CETN1: variants seen among roughly 807,000 people sequenced by gnomAD.
CETN1 encodes centrin-1.
Under a neutral mutation model 8.1 loss-of-function variants are expected in CETN1, and 6 were observed. The observed-to-expected ratio is 0.74, with a 90% CI of 0.40 to 1.46. The LOEUF (loss-of-function observed/expected upper bound fraction) is 1.46, where lower values mean the gene tolerates loss of function less well. CETN1 is among the 40% of genes most tolerant of loss of function. The pLI is 0.02. For missense variants in CETN1, 215 were observed against 226.2 expected (o/e 0.95, Z 0.32); for synonymous variants, 99 against 90.3 (o/e 1.10, Z -0.55).
In CETN1 at chr18:581,288, A is replaced by G. The variant is rs972642834; in HGVS notation, c.*361A>G. ...GTCACTTCTTTGGTGGTCTTAAATT[A>G]TCTTGCTTCATATATCATTCCTTAA... On this transcript the variant is annotated 3_prime_UTR_variant, in exon 1 of 1. Coordinates refer to ENST00000327228, the MANE Select transcript of CETN1 (RefSeq NM_004066.3). The G allele has an allele frequency of 5.6e-5, 11 of 197,930 alleles. No individual in the cohort carries two copies. The highest frequency in any genetic ancestry group is 1.0e-4 in the Non-Finnish European group (9 of 87,882). 12.3% of individuals were successfully genotyped at this position (197,930 alleles called of 1,614,324 possible).
rs1018739834 is a variant in CETN1, at chr18:581,646, G to T, written c.*719G>T. ...AAGCAAAGTATAATTTGCTTAAGAG[G>T]TTACGCTAACAAACGATTTTGAGTA... is the stretch of plus-strand genomic sequence containing the variant. On this transcript the variant is annotated 3_prime_UTR_variant, in exon 1 of 1. Coordinates refer to ENST00000327228, the MANE Select transcript of CETN1 (RefSeq NM_004066.3). 11 of 166,904 alleles carry T rather than the reference G, an allele frequency of 6.6e-5. No homozygotes were observed. The highest frequency in any genetic ancestry group is 2.4e-5 in the African/African-American group (1 of 41,442). 10.3% of individuals were successfully genotyped at this position (166,904 alleles called of 1,614,324 possible). A position where few individuals can be genotyped will look rare whatever the true frequency, so the allele number is the denominator to read the frequency against.
In CETN1 at chr18:580,402, C is replaced by T. The variant is rs1037167608; in HGVS notation, c.-7C>T. The T allele has an allele frequency of 6.4e-7, 1 of 1,556,260 alleles. No homozygotes were observed. The highest frequency in any genetic ancestry group is 8.7e-7 in the Non-Finnish European group (1 of 1,154,232). ...GCCGTTGGGACCACGGCGGCCAGAGCGGCAGGATGGCTTCCGGCTTCAAGA... is the reference window on the plus strand; with the variant it reads ...GCCGTTGGGACCACGGCGGCCAGAGTGGCAGGATGGCTTCCGGCTTCAAGA... On this transcript the variant is annotated 5_prime_UTR_variant, in exon 1 of 1. Transcript: ENST00000327228. This position sits in a 1 kb window ranked among gnomAD's most constrained non-coding sequence, Gnocchi z 6.1.
Position 581,027 on chromosome 18 carries a change from C to G in CETN1, c.*100C>G. The stretch of plus-strand genomic sequence containing the variant: ...CCTGTCCCTTCTTCACCCCCTCACC[C>G]CCATAATTTGTCTAGATCTATTTCC... On this transcript the variant is annotated 3_prime_UTR_variant, in exon 1 of 1. Transcript: ENST00000327228. 1 of 1,251,300 alleles carries G rather than the reference C, an allele frequency of 8.0e-7. No homozygotes were observed. Among genetic ancestry groups the G allele is most frequent in the Non-Finnish European group, 1.1e-6 (1 of 899,132 alleles). The allele number at this position is 1,251,300 out of a possible 1,614,324, so 77.5% of individuals were successfully genotyped here.
In CETN1 at chr18:580,897, T is replaced by C; in HGVS notation, c.489T>C (p.Leu163=). 6.2e-7 allele frequency: 1 copy of C among 1,612,986 alleles called. No homozygotes were observed. The highest frequency in any genetic ancestry group is 8.5e-7 in the Non-Finnish European group (1 of 1,179,234). The change falls in exon 1 of 1, where the codon CTT becomes CTC. Residue 163 remains leucine (L), a synonymous_variant. Coordinates refer to ENST00000327228, the MANE Select transcript of CETN1 (RefSeq NM_004066.3). The surrounding 1 kb of genome is among the most constrained non-coding windows in gnomAD (Gnocchi z 6.1). ...GDGEVNEEEF[L]RIMKKTSLY ...GCGAAGTGAACGAGGAGGAGTTCCTTCGGATCATGAAGAAGACCAGCCTTT... is the reference window on the plus strand; with the variant it reads ...GCGAAGTGAACGAGGAGGAGTTCCTCCGGATCATGAAGAAGACCAGCCTTT...
rs201991506 is a variant in CETN1, at chr18:580,538, G to T, written c.130G>T (p.Gly44Ter). The T allele has an allele frequency of 6.2e-7, 1 of 1,614,220 alleles. No homozygotes were observed. Among genetic ancestry groups the T allele is most frequent in the Non-Finnish European group, 8.5e-7 (1 of 1,180,032 alleles). Reference sequence around the variant, plus strand: ...AGCATTTGACCTCTTCGACGTGGACGGAAGTGGGACCATCGACGCGAAGGA... The same window carrying T: ...AGCATTTGACCTCTTCGACGTGGACTGAAGTGGGACCATCGACGCGAAGGA... ...REAFDLFDVD[G>*]SGTIDAKELK... is the part of the protein sequence containing the mutation. The change falls in exon 1 of 1, where the codon GGA becomes TGA. Residue 44 changes from glycine to a stop codon, truncating the protein, a stop_gained. Coordinates refer to ENST00000327228, the MANE Select transcript of CETN1 (RefSeq NM_004066.3). LOFTEE classifies it high-confidence loss of function. The surrounding 1 kb of genome is among the most constrained non-coding windows in gnomAD (Gnocchi z 6.1).
rs377405759 is a variant in CETN1, at chr18:581,740, A to G, written c.*813A>G. On this transcript the variant is annotated 3_prime_UTR_variant, in exon 1 of 1. Coordinates refer to ENST00000327228, the MANE Select transcript of CETN1 (RefSeq NM_004066.3). ...ATACCTTAATATAACATTTTAAGCT[A>G]CTTATAGTCCTTGGAAATAGCAACA... The G allele has an allele frequency of 2.1e-4, 35 of 166,508 alleles. No individual in the cohort carries two copies. Among genetic ancestry groups the G allele is most frequent in the African/African-American group, 7.9e-4 (33 of 41,586 alleles). 10.3% of individuals were successfully genotyped at this position (166,508 alleles called of 1,614,324 possible).
In CETN1 at chr18:581,446, A is replaced by T. The variant is rs571200; in HGVS notation, c.*519A>T. On this transcript the variant is annotated 3_prime_UTR_variant, in exon 1 of 1. Coordinates refer to ENST00000327228, the MANE Select transcript of CETN1 (RefSeq NM_004066.3). Reference sequence around the variant, plus strand: ...AAACTTACGGAGCTCAGGACAGATAATCTTATAAAGAATAGACTTGCTTGG... The same window carrying T: ...AAACTTACGGAGCTCAGGACAGATATTCTTATAAAGAATAGACTTGCTTGG... The T allele has an allele frequency of 0.2, 33,751 of 168,968 alleles. 4,196 individuals are homozygous for T. The highest frequency in any genetic ancestry group is 0.36 in the African/African-American group (15,077 of 41,490). The allele number at this position is 168,968 out of a possible 1,614,324, so 10.5% of individuals were successfully genotyped here. A position where few individuals can be genotyped will look rare whatever the true frequency, so the allele number is the denominator to read the frequency against.
rs1267385470 is a variant in CETN1, at chr18:580,618, G to A, written c.210G>A (p.Lys70=). The stretch of plus-strand genomic sequence containing the variant: ...TCGAACCCAGGAAGGAAGAGATGAA[G>A]AAAATGATCTCCGAGGTGGACAGGG... ...LGFEPRKEEM[K]KMISEVDREG... Residue 70 remains lysine, a synonymous_variant, in exon 1 of 1, where the codon AAG becomes AAA. Coordinates refer to ENST00000327228, the MANE Select transcript of CETN1 (RefSeq NM_004066.3). This position sits in a 1 kb window ranked among gnomAD's most constrained non-coding sequence, Gnocchi z 6.1. 2 of 1,614,164 alleles carry A rather than the reference G, an allele frequency of 1.2e-6. No homozygotes were observed. Among genetic ancestry groups the A allele is most frequent in the Non-Finnish European group, 1.7e-6 (2 of 1,180,026 alleles).
In CETN1 at chr18:580,553, G is replaced by A. The variant is rs116290875; in HGVS notation, c.145G>A (p.Asp49Asn). 6 of 1,614,180 alleles carry A rather than the reference G, an allele frequency of 3.7e-6. No individual in the cohort carries two copies. The highest frequency in any genetic ancestry group is 2.2e-5 in the East Asian group (1 of 44,874). The change falls in exon 1 of 1, where the codon GAC (aspartate) becomes AAC (asparagine). Residue 49 changes from aspartate to asparagine, a missense_variant. Asp to Asn is a conservative substitution (Grantham distance 23). Transcript: ENST00000327228. The surrounding 1 kb of genome is among the most constrained non-coding windows in gnomAD (Gnocchi z 6.1). The part of the protein sequence containing the change: ...LFDVDGSGTI[D>N]AKELKVAMRA... Reference sequence around the variant, plus strand: ...CGACGTGGACGGAAGTGGGACCATCGACGCGAAGGAGCTGAAGGTGGCCAT... The same window carrying A: ...CGACGTGGACGGAAGTGGGACCATCAACGCGAAGGAGCTGAAGGTGGCCAT...
chr18:580,983 C>A lies in CETN1; in HGVS notation c.*56C>A, dbSNP rs1419911173. The A allele has an allele frequency of 1.3e-6, 2 of 1,545,424 alleles. No homozygotes were observed. Among genetic ancestry groups the A allele is most frequent in the Admixed American group, 2.0e-5 (1 of 50,886 alleles). ...GGTTGCCTGCTTCCATTTTGTGAAACCTTAGAGGACAGCGGCTGCCTGTCC... is the reference window on the plus strand; with the variant it reads ...GGTTGCCTGCTTCCATTTTGTGAAAACTTAGAGGACAGCGGCTGCCTGTCC... On this transcript the variant is annotated 3_prime_UTR_variant, in exon 1 of 1. Coordinates refer to ENST00000327228, the MANE Select transcript of CETN1 (RefSeq NM_004066.3). This position sits in a 1 kb window ranked among gnomAD's most constrained non-coding sequence, Gnocchi z 6.1.
chr18:581,068 T>A lies in CETN1; in HGVS notation c.*141T>A. The A allele has an allele frequency of 1.1e-6, 1 of 876,214 alleles. No individual in the cohort carries two copies. Among genetic ancestry groups the A allele is most frequent in the Non-Finnish European group, 1.7e-6 (1 of 576,994 alleles). 54.3% of individuals were successfully genotyped at this position (876,214 alleles called of 1,614,324 possible). ...ATCTATTTCCATATCTCTAGTTCAA[T>A]AATAGAATTTGAAAGATGCTTGTAA... is the stretch of plus-strand genomic sequence containing the variant. On this transcript the variant is annotated 3_prime_UTR_variant, in exon 1 of 1. Coordinates refer to ENST00000327228, the MANE Select transcript of CETN1 (RefSeq NM_004066.3).
chr18:581,234 C>CT lies in CETN1; in HGVS notation c.*308dup, dbSNP rs1379613062. ...TGTTGATCTGGAGGCAGGACAGCTT[C>CT]TGGGACACACAAAAATGTGGTTCCC... On this transcript the variant is annotated 3_prime_UTR_variant, in exon 1 of 1. Transcript: ENST00000327228. 1.7e-4 allele frequency: 48 copies of CT among 276,142 alleles called. No individual in the cohort carries two copies. Among genetic ancestry groups the CT allele is most frequent in the African/African-American group, 1.1e-3 (48 of 45,046 alleles). 17.1% of individuals were successfully genotyped at this position (276,142 alleles called of 1,614,324 possible).
At position 581,183 on chromosome 18, in the gene CETN1, G is replaced by GCC; in HGVS notation, c.*258_*259dup. On this transcript the variant is annotated 3_prime_UTR_variant, in exon 1 of 1. Coordinates refer to ENST00000327228, the MANE Select transcript of CETN1 (RefSeq NM_004066.3). ...TGAAGTTTGAGTGCGCCCTCCATTT[G>GCC]CCCTGTGCTGAACTTGCTGTTCATC... 1 of 420,938 alleles carries GCC rather than the reference G, an allele frequency of 2.4e-6. No homozygotes were observed. The highest frequency in any genetic ancestry group is 4.3e-6 in the Non-Finnish European group (1 of 233,030). 26.1% of individuals were successfully genotyped at this position (420,938 alleles called of 1,614,324 possible).
In CETN1 at chr18:581,881, C is replaced by T. The variant is rs1215407893; in HGVS notation, c.*954C>T. 1 of 166,918 alleles carries T rather than the reference C, an allele frequency of 6.0e-6. No homozygotes were observed. The highest frequency in any genetic ancestry group is 1.5e-5 in the Non-Finnish European group (1 of 68,094). The allele number at this position is 166,918 out of a possible 1,614,324, so 10.3% of individuals were successfully genotyped here. ...GGTTCTTGGTACTTGACTTTTAGCC[C>T]CTCTGACATATAGTTGATGTCAGAG... On this transcript the variant is annotated 3_prime_UTR_variant, in exon 1 of 1. Transcript: ENST00000327228.
Position 580,702 on chromosome 18 carries a change from C to G in CETN1, c.294C>G (p.Ser98=). ...TGGCCGTGATGACGCAGAAGATGTC[C>G]GAGAAGGACACCAAAGAAGAAATCC... ...DFLAVMTQKM[S]EKDTKEEILK... is the part of the protein sequence containing the mutation. Residue 98 remains serine, a synonymous_variant, in exon 1 of 1, where the codon TCC becomes TCG. Coordinates refer to ENST00000327228, the MANE Select transcript of CETN1 (RefSeq NM_004066.3). This position sits in a 1 kb window ranked among gnomAD's most constrained non-coding sequence, Gnocchi z 6.1. 6.2e-7 allele frequency: 1 copy of G among 1,613,794 alleles called. No individual in the cohort carries two copies. The highest frequency in any genetic ancestry group is 8.5e-7 in the Non-Finnish European group (1 of 1,180,026).
Position 580,500 on chromosome 18 carries a change from A to T in CETN1, c.92A>T (p.Gln31Leu). 2 of 1,614,206 alleles carry T rather than the reference A, an allele frequency of 1.2e-6. No homozygotes were observed. The highest frequency in any genetic ancestry group is 1.7e-6 in the Non-Finnish European group (2 of 1,180,024). The change falls in exon 1 of 1, where the codon CAA becomes CTA. Residue 31 changes from glutamine (Q) to leucine (L), a missense_variant. By Grantham distance (113) the Gln-to-Leu change is moderately radical. Coordinates refer to ENST00000327228, the MANE Select transcript of CETN1 (RefSeq NM_004066.3). The surrounding 1 kb of genome is among the most constrained non-coding windows in gnomAD (Gnocchi z 6.1). The part of the protein sequence containing the change: ...PKPELTEDQK[Q>L]EVREAFDLFD... ...CCCGAGCTCACTGAGGATCAGAAGC[A>T]AGAAGTTCGGGAAGCATTTGACCTC...
rs2072547311 is a variant in CETN1, at chr18:580,979, G to A, written c.*52G>A. On this transcript the variant is annotated 3_prime_UTR_variant, in exon 1 of 1. Coordinates refer to ENST00000327228, the MANE Select transcript of CETN1 (RefSeq NM_004066.3). This position sits in a 1 kb window ranked among gnomAD's most constrained non-coding sequence, Gnocchi z 6.1. ...TCTGGGTTGCCTGCTTCCATTTTGTGAAACCTTAGAGGACAGCGGCTGCCT... is the reference window on the plus strand; with the variant it reads ...TCTGGGTTGCCTGCTTCCATTTTGTAAAACCTTAGAGGACAGCGGCTGCCT... 1 of 1,559,168 alleles carries A rather than the reference G, an allele frequency of 6.4e-7. No homozygotes were observed. Among genetic ancestry groups the A allele is most frequent in the Non-Finnish European group, 8.7e-7 (1 of 1,152,944 alleles).
Position 580,407 on chromosome 18 carries a change from G to C in CETN1, c.-2G>C, listed in dbSNP as rs751393189. On this transcript the variant is annotated 5_prime_UTR_variant, in exon 1 of 1. Transcript: ENST00000327228. The surrounding 1 kb of genome is among the most constrained non-coding windows in gnomAD (Gnocchi z 6.1). ...TGGGACCACGGCGGCCAGAGCGGCA[G>C]GATGGCTTCCGGCTTCAAGAAGCCC... 29 of 1,559,398 alleles carry C rather than the reference G, an allele frequency of 1.9e-5. No homozygotes were observed. The highest frequency in any genetic ancestry group is 2.2e-5 in the Non-Finnish European group (26 of 1,155,942).
rs2072550177 is a variant in CETN1, at chr18:581,461, G to C, written c.*534G>C. ...AGGACAGATAATCTTATAAAGAATA[G>C]ACTTGCTTGGGTGGTAGTACGTTGT... On this transcript the variant is annotated 3_prime_UTR_variant, in exon 1 of 1. Transcript: ENST00000327228. The C allele has an allele frequency of 1.2e-5, 2 of 168,468 alleles. No individual in the cohort carries two copies. Among genetic ancestry groups the C allele is most frequent in the South Asian group, 4.1e-4 (2 of 4,864 alleles). 10.4% of individuals were successfully genotyped at this position (168,468 alleles called of 1,614,324 possible).
Sources: gnomAD v4.1 joint callset for allele counts on GRCh38, gnomAD v4.1.1 for gene constraint, Gnocchi (gnomAD v3.1) non-coding constraint, MANE v1.5 for transcripts, NCBI Gene and HGNC (gene_info 2026-07-23, HGNC 2026-07-21) for gene names.